CEP135: variants seen among roughly 807,000 people sequenced by gnomAD.
The protein encoded by CEP135 is centrosomal protein 135.
In CEP135, 142 loss-of-function variants were observed where a neutral mutation model predicts 157.3. That is an observed-to-expected ratio of 0.90 (90% confidence interval 0.79 to 1.04). The LOEUF is 1.04. Among genes scored for constraint, CEP135 ranks in the 50% least tolerant of loss-of-function variants. The pLI is 0.00. For missense variants in CEP135, 1,317 were observed against 1,309.2 expected, an observed-to-expected ratio of 1.01 and a Z score of -0.09; for synonymous variants, 396 against 439.8, an observed-to-expected ratio of 0.90 and a Z score of 1.25.
chr4:56,008,803 TTATTA>T (rs1367744752), intron 18 of CEP135, among the ~76,000 whole-genome samples: 1 of 152,228 alleles, frequency 6.6e-6, no homozygotes, highest in Non-Finnish European at 1.5e-5. Context: ...AAAAAGTCAC[TTATTA>T]TATTTATTTT....
intron 3 of CEP135, 58 bp from the exon 4 acceptor site, chr4:55,954,156 GAA>G: frequency 6.9e-7 from 1 of 1,441,328 alleles, no homozygotes. Flanking sequence ...TTGTGAAATG[GAA>G]AAACTTCATT....
At chr4:55,979,154 C>G (rs1053976581) in intron 11 of CEP135, among the ~76,000 whole-genome samples, 2 of 152,128 alleles carry the variant, frequency 1.3e-5, no homozygotes, top group Non-Finnish European at 2.9e-5. Context: ...ATCATATTAT[C>G]AAATTATCCC....
At chr4:56,025,278 C>T (rs1388202202) in intron 25 of CEP135, among the ~76,000 whole-genome samples, 3 of 152,048 alleles carry the variant, frequency 2.0e-5, no homozygotes, top group African/African-American at 4.8e-5. Flanking sequence ...TGCATTTTAT[C>T]GTATATAAAT....
intron 14 of CEP135, among the ~76,000 whole-genome samples, chr4:55,990,659 GCT>G (rs1729755868): frequency 6.6e-6 from 1 of 151,766 alleles, no homozygotes; most frequent in African/African-American, 2.4e-5. Context: ...ATCATGCCCG[GCT>G]AATTTAAAAA....
At chr4:56,004,828 G>T (rs1255420450) in intron 17 of CEP135, among the ~76,000 whole-genome samples, 2 of 151,674 alleles carry the variant, frequency 1.3e-5, no homozygotes, top group Non-Finnish European at 2.9e-5. Flanking sequence ...GCAGTATATA[G>T]TTGGGTCTTA....
intron 21 of CEP135, 79 bp downstream of exon 21, chr4:56,012,064 TTTA>T: frequency 1.0e-6 from 1 of 956,376 alleles, no homozygotes. Context: ...TATTTATTTA[TTTA>T]TTTTTTTTGA....
intron 17 of CEP135, among the ~76,000 whole-genome samples, chr4:56,005,272 T>TA (rs945018148): frequency 3.3e-5 from 5 of 151,842 alleles, no homozygotes; most frequent in African/African-American, 9.7e-5. Flanking sequence ...TCTACAAAAA[T>TA]AAAAAAATTA....
In CEP135 at chr4:55,981,373, A is replaced by C; in HGVS notation, c.1773A>C (p.Lys591Asn). The C allele has an allele frequency of 6.4e-7, 1 of 1,574,620 alleles. No individual in the cohort carries two copies. Among genetic ancestry groups the C allele is most frequent in the Non-Finnish European group, 8.6e-7 (1 of 1,168,682 alleles). ...IMAEKEALRE[K>N]LEHIEEVSLF... Reference sequence around the variant, plus strand: ...CAGAAAAGGAAGCTTTAAGAGAAAAATTAGAGGTAAGAAGATTGACATGTT... The same window carrying C: ...CAGAAAAGGAAGCTTTAAGAGAAAACTTAGAGGTAAGAAGATTGACATGTT... Residue 591 changes from lysine (K) to asparagine (N), a missense_variant, in exon 13 of 26, where the codon AAA (lysine) becomes AAC (asparagine). Transcript: ENST00000257287.
intron 6 of CEP135, among the ~76,000 whole-genome samples, chr4:55,963,382 G>C (rs1462814340): frequency 6.6e-6 from 1 of 151,922 alleles, no homozygotes. Flanking sequence ...AGCTATTTCT[G>C]CTGTCTCAAA....
At chr4:56,005,308 C>T (rs534479346) in intron 17 of CEP135, among the ~76,000 whole-genome samples, 55 of 152,088 alleles carry the variant, frequency 3.6e-4, no homozygotes, top group Middle Eastern at 3.4e-3. Context: ...ACCTGTAGTC[C>T]CAGATATTCA....
chr4:55,969,041 C>G (rs1013033740), intron 8 of CEP135, 22 bp from the exon 9 acceptor site: 26 of 1,581,628 alleles, frequency 1.6e-5, no homozygotes, highest in Non-Finnish European at 2.2e-5. Context: ...AAGTATATAC[C>G]TAATAGGCTT....
At chr4:55,998,462 G>C (rs913084264) in intron 15 of CEP135, among the ~76,000 whole-genome samples, 15 of 152,068 alleles carry the variant, frequency 9.9e-5, no homozygotes, top group Non-Finnish European at 1.8e-4. Flanking sequence ...CCTTTCTTTT[G>C]CTCCCTGAAC....
At chr4:56,021,109 A>G (rs530958883) in intron 24 of CEP135, among the ~76,000 whole-genome samples, 4 of 152,310 alleles carry the variant, frequency 2.6e-5, no homozygotes, top group Admixed American at 6.5e-5. Context: ...TTAGAATCCA[A>G]AAGTATTTCA....
chr4:55,958,195 G>T (rs1156720908), intron 5 of CEP135, among the ~76,000 whole-genome samples: 1 of 152,110 alleles, frequency 6.6e-6, no homozygotes, highest in African/African-American at 2.4e-5. Flanking sequence ...AGCACTTTGG[G>T]AGGCCAAGGC....
intron 15 of CEP135, among the ~76,000 whole-genome samples, chr4:55,994,126 C>T (rs564861398): frequency 4.6e-5 from 7 of 152,272 alleles, no homozygotes; most frequent in Admixed American, 2.0e-4. Flanking sequence ...CCATGATACC[C>T]GGCACTCTTG....
intron 11 of CEP135, among the ~76,000 whole-genome samples, chr4:55,977,650 C>G (rs1227161578): frequency 6.6e-6 from 1 of 152,180 alleles, no homozygotes; most frequent in Non-Finnish European, 1.5e-5. Context: ...ATTAACATGT[C>G]TGTTTCCTCA....
chr4:56,018,425 TA>T (rs769665710), intron 22 of CEP135, among the ~76,000 whole-genome samples: 12 of 152,156 alleles, frequency 7.9e-5, no homozygotes, highest in Non-Finnish European at 8.8e-5. Context: ...TTTCTGATTA[TA>T]AATCAGCATA....
intron 17 of CEP135, among the ~76,000 whole-genome samples, chr4:56,005,532 T>A (rs1730323080): frequency 6.6e-6 from 1 of 152,248 alleles, no homozygotes; most frequent in South Asian, 2.1e-4. Context: ...AATTTACAGA[T>A]TTGTATATTG....
rs989495956 is a variant in CEP135 at position 56,031,344 on chromosome 4, A to G, written c.*12-16A>G. On this transcript the variant is annotated splice_polypyrimidine_tract_variant and intron_variant, in intron 25 of 25. Transcript: ENST00000257287. ...CATTTTTCTCTTAACCCACCTTTCA[A>G]TTTCCTCCCTTTCAGAATAATGGCT... 12 of 152,516 alleles carry G rather than the reference A, an allele frequency of 7.9e-5. No individual in the cohort carries two copies. The highest frequency in any genetic ancestry group is 1.8e-4 in the Non-Finnish European group (12 of 68,030). 9.4% of individuals were successfully genotyped at this position (152,516 alleles called of 1,614,324 possible).
Sources: allele counts gnomAD v4.1 joint callset (sites outside exome capture counted in the v4.1 genomes callset), GRCh38; gene constraint gnomAD v4.1.1; transcripts MANE v1.5; gene names NCBI Gene and HGNC (gene_info 2026-07-23, HGNC 2026-07-21).